PLEKHG1: variants seen among roughly 807,000 people sequenced by gnomAD.
The protein encoded by PLEKHG1 is pleckstrin homology domain-containing family G member 1.
A neutral mutation model predicts 100.8 loss-of-function variants in PLEKHG1; 44 were observed. The observed-to-expected ratio is 0.44, with a 90% CI of 0.34 to 0.56. The LOEUF (loss-of-function observed/expected upper bound fraction) is 0.56. Ranked by LOEUF, PLEKHG1 falls within the 20% of genes least tolerant of loss-of-function variation. The pLI, the probability that PLEKHG1 is intolerant of heterozygous loss-of-function variation, is 0.01. For synonymous variants in PLEKHG1, 640 were observed against 662.5 expected (o/e 0.97, Z 0.52); for missense variants, 1,545 against 1,720.9 (o/e 0.90, Z 1.81).
chr6:150,822,544 TACTTAAAGAAATTGTAATACA>T (rs1776365967), intron 13 of PLEKHG1, among the ~76,000 whole-genome samples: 1 of 152,228 alleles, frequency 6.6e-6, no homozygotes, highest in Non-Finnish European at 1.5e-5. Context: ...GTTGGAAATA[TACTTAAAGAAATTGTAATACA>T]TCCATACACA....
At chr6:150,811,820 C>T (rs1020501597) in intron 10 of PLEKHG1, among the ~76,000 whole-genome samples, 2 of 152,064 alleles carry the variant, frequency 1.3e-5, no homozygotes, top group African/African-American at 4.8e-5. Flanking sequence ...TGGGAAATTA[C>T]TGCAGGCTTT....
intron 10 of PLEKHG1, among the ~76,000 whole-genome samples, chr6:150,815,300 A>G (rs1250850173): frequency 2.6e-5 from 4 of 152,212 alleles, no homozygotes; most frequent in African/African-American, 7.2e-5. Flanking sequence ...TTTTAATTCA[A>G]TGATGGTCCT....
intron 1 of PLEKHG1, among the ~76,000 whole-genome samples, chr6:150,634,250 C>CAAAAAAAAAAAA (rs139347441): frequency 8.3e-6 from 1 of 120,330 alleles, no homozygotes; most frequent in African/African-American, 3.2e-5. Flanking sequence ...ATCTCCCCCC[C>CAAAAAAAAAAAA]AAAAAAAAAA....
intron 1 of PLEKHG1, among the ~76,000 whole-genome samples, chr6:150,625,440 C>G (rs1234691200): frequency 6.6e-6 from 1 of 152,038 alleles, no homozygotes; most frequent in East Asian, 1.9e-4. Flanking sequence ...ATGGGAACAC[C>G]AGTCATAATG....
chr6:150,612,369 G>C (rs1341276453), intron 1 of PLEKHG1, among the ~76,000 whole-genome samples: 3 of 151,964 alleles, frequency 2.0e-5, no homozygotes, highest in East Asian at 1.9e-4. Context: ...CTCTCTCTCT[G>C]TTGCCCAGGC....
chr6:150,808,377 T>A (rs977828328), intron 7 of PLEKHG1, among the ~76,000 whole-genome samples: 1 of 152,124 alleles, frequency 6.6e-6, no homozygotes, highest in Non-Finnish European at 1.5e-5. Flanking sequence ...TGGTATGAAC[T>A]TCAGTATCCG....
At chr6:150,710,319 G>A (rs192882010) in intron 3 of PLEKHG1, among the ~76,000 whole-genome samples, 21 of 152,314 alleles carry the variant, frequency 1.4e-4, no homozygotes, top group South Asian at 1.0e-3. Context: ...GCCCCCAGCC[G>A]TCAGTCTGTC....
rs1777594353 is a variant in PLEKHG1 at position 150,628,527 on chromosome 6, A to AAAACACACACACAC, written c.-203-9552_-203-9551insAACACACACACACA. ...TTTTGGGATGGTATGTAGATAGGAA[A>AAAACACACACACAC]ACACACACACACACACACACACACA... On this transcript the variant is annotated intron_variant, in intron 1 of 3. Transcript: ENST00000367326. Among the ~76,000 whole-genome samples the AAAACACACACACAC allele has an allele frequency of 8.4e-5, 8 of 94,788 alleles. No individual in the cohort carries two copies. In the Admixed American group the frequency reaches 1.0e-3, roughly 12 times the overall value. 62.2% of individuals were successfully genotyped at this position (94,788 alleles called of 152,430 possible). A position where few individuals can be genotyped will look rare whatever the true frequency, so the allele number is the denominator to read the frequency against.
intron 7 of PLEKHG1, among the ~76,000 whole-genome samples, chr6:150,808,280 CTGAG>C (rs1378560602): frequency 1.3e-5 from 2 of 152,022 alleles, no homozygotes; most frequent in African/African-American, 4.8e-5. Flanking sequence ...TTTCCTTTCC[CTGAG>C]TAAGTAAATT....
intron 5 of PLEKHG1, among the ~76,000 whole-genome samples, chr6:150,798,556 G>A (rs969812552): frequency 6.6e-6 from 1 of 152,262 alleles, no homozygotes; most frequent in Admixed American, 6.5e-5. Flanking sequence ...CAAGCCTGGT[G>A]TATATTGGCA....
intron 1 of PLEKHG1, among the ~76,000 whole-genome samples, chr6:150,630,442 G>C (rs1408808484): frequency 6.6e-6 from 1 of 152,146 alleles, no homozygotes; most frequent in Non-Finnish European, 1.5e-5. Context: ...CAGCCCACAG[G>C]GTTTGTGGAT....
intron 10 of PLEKHG1, among the ~76,000 whole-genome samples, chr6:150,812,578 G>T (rs1787595891): frequency 6.6e-6 from 1 of 152,114 alleles, no homozygotes; most frequent in Admixed American, 6.5e-5. Flanking sequence ...AGAAAAAGGG[G>T]GATTAAGAAG....
intron 1 of PLEKHG1, among the ~76,000 whole-genome samples, chr6:150,608,095 A>G (rs1337772081): frequency 6.6e-6 from 1 of 152,220 alleles, no homozygotes; most frequent in Admixed American, 6.5e-5. Flanking sequence ...GAAGATAATG[A>G]TTTTGTACAC....
exon 16 of PLEKHG1, chr6:150,841,168 T>G (rs1266268558): frequency 3.5e-6 from 2 of 567,148 alleles, no homozygotes; most frequent in Non-Finnish European, 6.4e-6. Context: ...TTTTTAGACT[T>G]TTAACACGAT....
chr6:150,801,665 C>T (rs1583158959), intron 6 of PLEKHG1, among the ~76,000 whole-genome samples: 1 of 151,964 alleles, frequency 6.6e-6, no homozygotes, highest in South Asian at 2.1e-4. Flanking sequence ...GTCTCGAACT[C>T]CTGAGCTCAA....
chr6:150,692,108 CACCCCATATAAGGCCT>C (rs1250615681), intron 3 of PLEKHG1, among the ~76,000 whole-genome samples: 1 of 152,180 alleles, frequency 6.6e-6, no homozygotes, highest in East Asian at 1.9e-4. Flanking sequence ...TTTTTAACCT[CACCCCATATAAGGCCT>C]AGCAACTTCA....
chr6:150,716,105 C>G (rs1781426819), upstream of PLEKHG1, among the ~76,000 whole-genome samples: 2 of 31,594 alleles, frequency 6.3e-5, no homozygotes, highest in African/African-American at 2.5e-4. Flanking sequence ...GAGACTCCGT[C>G]TCAAAAAAAA....
chr6:150,792,580 A>C (rs565513895), intron 4 of PLEKHG1, among the ~76,000 whole-genome samples: 30 of 151,790 alleles, frequency 2.0e-4, no homozygotes, highest in Non-Finnish European at 7.4e-5. Context: ...AGGCTGAGGC[A>C]GGAGAGTCAC....
In PLEKHG1 at chr6:150,614,629, C is replaced by T. The variant is rs6926340; in HGVS notation, c.-204+14612C>T. Among the ~76,000 whole-genome samples the T allele has an allele frequency of 5.0e-3, 759 of 152,230 alleles. 7 individuals are homozygous for T. The highest frequency in any genetic ancestry group is 0.018 in the African/African-American group (730 of 41,552). ...CTACCAAGCAGAAGTTGGTCCTCAA[C>T]AGTGTCATCTCCCCAGGCCTCCCAG... is the stretch of plus-strand genomic sequence containing the variant. On this transcript the variant is annotated intron_variant, in intron 1 of 3. Transcript: ENST00000367326.
Sources: allele counts gnomAD v4.1 joint callset (sites outside exome capture counted in the v4.1 genomes callset), GRCh38; gene constraint gnomAD v4.1.1; transcripts MANE v1.5; gene names NCBI Gene and HGNC (gene_info 2026-07-23, HGNC 2026-07-21).